The following ARL6IP6 variants were observed in gnomAD, a reference collection of about 807,000 sequenced individuals.
ARL6IP6 encodes ARF like GTPase 6 interacting protein 6, also known as ADP-ribosylation factor-like protein 6-interacting protein 6.
ARL6IP6 carries 22 observed loss-of-function variants against 21.5 expected under a neutral mutation model. That is an observed-to-expected ratio of 1.02 (90% confidence interval 0.73 to 1.46). ARL6IP6 has a LOEUF of 1.46. ARL6IP6 is among the 40% of genes most tolerant of loss of function. The pLI is 0.00. For missense variants in ARL6IP6, 388 were observed against 299.8 expected (o/e 1.29, Z -2.17); for synonymous variants, 164 against 125.3 (o/e 1.31, Z -2.06).
At chr2:152,754,533 G>A (rs1701488498) in intron 3 of ARL6IP6, among the ~76,000 whole-genome samples, 1 of 152,104 alleles carries the variant, frequency 6.6e-6, no homozygotes, top group Non-Finnish European at 1.5e-5. Flanking sequence ...GAACACTCAG[G>A]TACAAGTTTT....
Position 152,761,834 on chromosome 2 carries a change from A to C in ARL6IP6, c.*1994A>C, listed in dbSNP as rs1231277378. On this transcript the variant is annotated 3_prime_UTR_variant, in exon 4 of 4. Transcript: ENST00000326446. The stretch of plus-strand genomic sequence containing the variant: ...GTAAGTATACTCTGATGTTCACACA[A>C]TGATGAAATTGCCTAATGACGCTTT... Among the ~76,000 whole-genome samples, 3 of 151,978 alleles carry C rather than the reference A, an allele frequency of 2.0e-5. No individual in the cohort carries two copies. Among genetic ancestry groups the C allele is most frequent in the African/African-American group, 7.3e-5 (3 of 41,236 alleles).
At chr2:152,741,791 T>C (rs1700821660) in intron 3 of ARL6IP6, among the ~76,000 whole-genome samples, 2 of 152,200 alleles carry the variant, frequency 1.3e-5, no homozygotes, top group South Asian at 4.1e-4. Context: ...GGAAAGATGG[T>C]TCCATGTATT....
Position 152,760,090 on chromosome 2 carries a change from C to T in ARL6IP6, c.*250C>T, listed in dbSNP as rs879514252. 1.6e-5 allele frequency: 5 copies of T among 308,422 alleles called. No individual in the cohort carries two copies. The highest frequency in any genetic ancestry group is 2.4e-5 in the Non-Finnish European group (4 of 166,688). 19.1% of individuals were successfully genotyped at this position (308,422 alleles called of 1,614,324 possible). A position where few individuals can be genotyped will look rare whatever the true frequency, so the allele number is the denominator to read the frequency against. On this transcript the variant is annotated 3_prime_UTR_variant, in exon 4 of 4. Transcript: ENST00000326446. ...TTTCTTCAGAGTATAAGATGTTTAC[C>T]TCATCTTTTTACTTTTGTGTGTGTA...
chr2:152,736,352 GCCAC>G (rs1700551494), intron 3 of ARL6IP6, among the ~76,000 whole-genome samples: 1 of 152,060 alleles, frequency 6.6e-6, no homozygotes, highest in East Asian at 1.9e-4. Context: ...CTGAATTCTA[GCCAC>G]ACATTTCTTG....
intron 3 of ARL6IP6, among the ~76,000 whole-genome samples, chr2:152,745,833 C>A (rs1480766803): frequency 2.1e-4 from 32 of 152,020 alleles, no homozygotes; most frequent in Admixed American, 1.4e-3. Flanking sequence ...TGCACCGCGG[C>A]TTCTTGAAGT....
At chr2:152,742,563 C>T (rs577757195) in intron 3 of ARL6IP6, among the ~76,000 whole-genome samples, 1 of 127,992 alleles carries the variant, frequency 7.8e-6, no homozygotes, top group South Asian at 2.5e-4. Context: ...GAGCAAGATA[C>T]GCTCTTTAAA....
At position 152,735,094 on chromosome 2, in the gene ARL6IP6, T is replaced by G; in HGVS notation, c.555T>G (p.Phe185Leu). Residue 185 changes from phenylalanine to leucine, a missense_variant, in exon 3 of 4, where the codon TTT (phenylalanine) becomes TTG (leucine). By Grantham distance (22) the Phe-to-Leu change is conservative (BLOSUM62 0). Transcript: ENST00000326446. ...TTGATTCTTTTGAACCAGGAATGTT[T>G]CCTCCTACTCCTCTTTCACCTGCCA... ...TYFDSFEPGM[F>L]PPTPLSPARF... is the part of the protein sequence containing the mutation. 6.2e-7 allele frequency: 1 copy of G among 1,613,860 alleles called. No homozygotes were observed. The highest frequency in any genetic ancestry group is 8.5e-7 in the Non-Finnish European group (1 of 1,179,832).
intron 2 of ARL6IP6, among the ~76,000 whole-genome samples, chr2:152,732,373 T>C (rs79865963): frequency 0.024 from 3,627 of 152,206 alleles, 150 homozygotes; most frequent in African/African-American, 0.081. Context: ...TTGATTTTTG[T>C]CAGTTGATGA....
intron 3 of ARL6IP6, among the ~76,000 whole-genome samples, chr2:152,741,040 A>T (rs1012986287): frequency 2.0e-5 from 3 of 152,160 alleles, no homozygotes; most frequent in African/African-American, 7.2e-5. Context: ...TCAAAATCAA[A>T]TTGATATATT....
At chr2:152,738,866 G>GT (rs1346385212) in intron 3 of ARL6IP6, among the ~76,000 whole-genome samples, 1 of 148,186 alleles carries the variant, frequency 6.7e-6, no homozygotes, top group East Asian at 1.9e-4. Flanking sequence ...TCAGAAAATT[G>GT]TTTTTTCTTT....
rs1191650509 is a variant in ARL6IP6 at position 152,735,096 on chromosome 2, C to T, written c.557C>T (p.Pro186Leu). The change falls in exon 3 of 4, where the codon CCT becomes CTT. Residue 186 changes from proline (P) to leucine (L), a missense_variant. Pro to Leu is a moderately conservative substitution (Grantham distance 98, BLOSUM62 -3). Coordinates refer to ENST00000326446, the MANE Select transcript of ARL6IP6 (RefSeq NM_152522.7). Reference protein sequence around the residue: ...YFDSFEPGMFPPTPLSPARFK... With the variant: ...YFDSFEPGMFLPTPLSPARFK... ...GATTCTTTTGAACCAGGAATGTTTC[C>T]TCCTACTCCTCTTTCACCTGCCAGG... The T allele has an allele frequency of 1.2e-6, 2 of 1,613,764 alleles. No homozygotes were observed. Among genetic ancestry groups the T allele is most frequent in the Admixed American group, 1.7e-5 (1 of 59,988 alleles).
In ARL6IP6 at chr2:152,718,955, A is replaced by C. The variant is rs1366694757; in HGVS notation, c.331A>C (p.Ile111Leu). The change falls in exon 1 of 4, where the codon ATT (isoleucine) becomes CTT (leucine). Residue 111 changes from isoleucine (I) to leucine (L), a missense_variant. Physicochemically the swap from Ile to Leu is conservative, Grantham distance 5 (BLOSUM62 2). Transcript: ENST00000326446. ...PRRWPVQVLS[I>L]LCSLLFAILL... ...GCGGTGGCCGGTCCAGGTCCTCTCT[A>C]TTCTCTGCTCGCTGCTCTTCGCCAT... is the stretch of plus-strand genomic sequence containing the variant. 1 of 1,607,954 alleles carries C rather than the reference A, an allele frequency of 6.2e-7. No individual in the cohort carries two copies.
intron 3 of ARL6IP6, among the ~76,000 whole-genome samples, chr2:152,743,193 T>C (rs1700897534): frequency 6.6e-6 from 1 of 152,192 alleles, no homozygotes; most frequent in African/African-American, 2.4e-5. Context: ...ATGCTCAAGC[T>C]TCATCTAGTG....
intron 3 of ARL6IP6, among the ~76,000 whole-genome samples, chr2:152,744,292 C>A (rs544390510): frequency 6.6e-6 from 1 of 152,162 alleles, no homozygotes; most frequent in South Asian, 2.1e-4. Context: ...CTACAGTATT[C>A]TTCAGGTGTC....
intron 2 of ARL6IP6, among the ~76,000 whole-genome samples, chr2:152,723,782 A>T (rs568477356): frequency 5.3e-4 from 70 of 131,438 alleles, no homozygotes; most frequent in Non-Finnish European, 9.4e-4. Context: ...ATTTCGTGAT[A>T]CAGAACATTA....
chr2:152,721,421 G>T (rs1458962564), intron 2 of ARL6IP6, among the ~76,000 whole-genome samples: 1 of 151,690 alleles, frequency 6.6e-6, no homozygotes, highest in African/African-American at 2.4e-5. Context: ...CTCAGTTTCT[G>T]CAGTGTCTGT....
chr2:152,752,358 C>T lies in ARL6IP6; in HGVS notation c.588-7389C>T, dbSNP rs75111256. 4.3e-4 allele frequency among the ~76,000 whole-genome samples: 66 copies of T among 152,270 alleles called. 1 individual carries two copies. The East Asian group carries it at 9.5e-3, about 22-fold the overall frequency. On this transcript the variant is annotated intron_variant, in intron 3 of 3. Coordinates refer to ENST00000326446, the MANE Select transcript of ARL6IP6 (RefSeq NM_152522.7). The stretch of plus-strand genomic sequence containing the variant: ...CCAAGCCTGGGCAACATGGCAAAAC[C>T]GTATCTCTACAAAAAATCAGCCAGG...
intron 2 of ARL6IP6, among the ~76,000 whole-genome samples, chr2:152,725,479 A>C (rs1345514675): frequency 6.6e-6 from 1 of 152,190 alleles, no homozygotes; most frequent in East Asian, 1.9e-4. Context: ...TGATTTGGAA[A>C]AAAAAATGCA....
Position 152,719,029 on chromosome 2 carries a change from T to C in ARL6IP6, c.400+5T>C, listed in dbSNP as rs778613735. ...TCGCCTACTTGATCGTTAAAGGTAT[T>C]GAAGCCGACGCCTTGAAAGTCTGTC... On this transcript the variant is annotated splice_donor_5th_base_variant and intron_variant, in intron 1 of 3. Coordinates refer to ENST00000326446, the MANE Select transcript of ARL6IP6 (RefSeq NM_152522.7). 1 of 1,537,596 alleles carries C rather than the reference T, an allele frequency of 6.5e-7. No homozygotes were observed. Among genetic ancestry groups the C allele is most frequent in the Non-Finnish European group, 8.8e-7 (1 of 1,141,714 alleles).
Sources: gnomAD v4.1 joint callset for allele counts (sites outside exome capture counted in the v4.1 genomes callset) on GRCh38, gnomAD v4.1.1 for gene constraint, MANE v1.5 for transcripts, NCBI Gene and HGNC (gene_info 2026-07-23, HGNC 2026-07-21) for gene names.